SGCZ: variants seen among roughly 807,000 people sequenced by gnomAD.
The protein encoded by SGCZ is zeta-sarcoglycan.
In SGCZ, 40 loss-of-function variants were observed where a neutral mutation model predicts 41.3. The observed-to-expected ratio is 0.97, with a 90% CI of 0.75 to 1.26. The LOEUF is 1.26. Among genes scored for constraint, SGCZ ranks in the 50% most tolerant of loss-of-function variants. The pLI is 0.00. For synonymous variants in SGCZ, 206 were observed against 137.5 expected, an observed-to-expected ratio of 1.50 and a Z score of -3.49; for missense variants, 552 against 369.8, an observed-to-expected ratio of 1.49 and a Z score of -4.04.
At chr8:15,132,474 G>A (rs935803738) in intron 1 of SGCZ, among the ~76,000 whole-genome samples, 3 of 152,186 alleles carry the variant, frequency 2.0e-5, no homozygotes, top group African/African-American at 7.2e-5. Flanking sequence ...ATGAATAGAT[G>A]CATGCATGAA....
rs536535824 is a variant in SGCZ at position 15,203,588 on chromosome 8, T to C, written c.39+33997A>G. 8.5e-5 allele frequency among the ~76,000 whole-genome samples: 13 copies of C among 152,316 alleles called. No individual in the cohort carries two copies. In the South Asian group the frequency reaches 2.7e-3, roughly 32 times the overall value. ...GGTTTGATTTAGAAGACTAAAATGA[T>C]ACTTTTAAACAGACAAATGTGGCAT... is the stretch of plus-strand genomic sequence containing the variant. On this transcript the variant is annotated intron_variant, in intron 1 of 7. Transcript: ENST00000382080.
intron 5 of SGCZ, among the ~76,000 whole-genome samples, chr8:14,127,968 T>C (rs1376475121): frequency 6.6e-6 from 1 of 152,206 alleles, no homozygotes; most frequent in Non-Finnish European, 1.5e-5. Context: ...TTTCCTTCTT[T>C]GTATACATAA....
chr8:14,905,216 C>A (rs1412692813), intron 1 of SGCZ, among the ~76,000 whole-genome samples: 3 of 151,826 alleles, frequency 2.0e-5, no homozygotes, highest in East Asian at 1.9e-4. Context: ...CAAACACTTC[C>A]TTAATCATTT....
chr8:15,113,952 G>C (rs573899638), intron 1 of SGCZ, among the ~76,000 whole-genome samples: 1 of 152,190 alleles, frequency 6.6e-6, no homozygotes, highest in South Asian at 2.1e-4. Flanking sequence ...CATTTCTCTA[G>C]GCTGTGCCTC....
At chr8:14,164,883 A>G in intron 4 of SGCZ, 181 bp from the exon 5 acceptor site, 1 of 737,386 alleles carries the variant, frequency 1.4e-6, no homozygotes, top group African/African-American at 1.8e-5. Flanking sequence ...TTGGGAATGT[A>G]CTTCTGTGCT....
intron 1 of SGCZ, among the ~76,000 whole-genome samples, chr8:14,698,144 T>C (rs1272728434): frequency 6.6e-6 from 1 of 152,002 alleles, no homozygotes; most frequent in Non-Finnish European, 1.5e-5. Flanking sequence ...TCAAACAAAA[T>C]ATAGATGTGT....
At chr8:14,343,667 G>C (rs1802790576) in intron 2 of SGCZ, among the ~76,000 whole-genome samples, 1 of 152,138 alleles carries the variant, frequency 6.6e-6, no homozygotes, top group South Asian at 2.1e-4. Flanking sequence ...AGCCATAGAG[G>C]ATTGTATCTT....
At chr8:14,207,932 A>T (rs1313698889) in intron 4 of SGCZ, among the ~76,000 whole-genome samples, 1 of 152,164 alleles carries the variant, frequency 6.6e-6, no homozygotes, top group East Asian at 1.9e-4. Flanking sequence ...GCATGGTACT[A>T]CTTATCCTAG....
chr8:14,904,074 C>A lies in SGCZ; in HGVS notation c.39+333511G>T, dbSNP rs116169015. Reference sequence around the variant, plus strand: ...GGTATTAACTTGTTGATAAAGCTATCATAGTCTTCCTCATACTAGTCGTGC... The same window carrying A: ...GGTATTAACTTGTTGATAAAGCTATAATAGTCTTCCTCATACTAGTCGTGC... On this transcript the variant is annotated intron_variant, in intron 1 of 7. Transcript: ENST00000382080. 2.0e-3 allele frequency among the ~76,000 whole-genome samples: 297 copies of A among 152,128 alleles called. 1 individual carries two copies. The highest frequency in any genetic ancestry group is 6.8e-3 in the African/African-American group (283 of 41,554).
chr8:14,709,143 T>G (rs1809434178), intron 1 of SGCZ, among the ~76,000 whole-genome samples: 1 of 152,160 alleles, frequency 6.6e-6, no homozygotes, highest in Non-Finnish European at 1.5e-5. Context: ...GAAAAGTATT[T>G]TGTCATGATC....
intron 3 of SGCZ, among the ~76,000 whole-genome samples, chr8:14,259,975 C>T (rs528137822): frequency 2.0e-5 from 3 of 152,218 alleles, no homozygotes; most frequent in Admixed American, 1.3e-4. Flanking sequence ...TGTTTGTATC[C>T]TCTTTTATTT....
chr8:14,240,847 A>T (rs1050365431), intron 3 of SGCZ, among the ~76,000 whole-genome samples: 2 of 152,154 alleles, frequency 1.3e-5, no homozygotes, highest in Non-Finnish European at 2.9e-5. Context: ...GACTTTTTAC[A>T]CACTATCCAC....
intron 2 of SGCZ, among the ~76,000 whole-genome samples, chr8:14,443,707 C>A (rs2117377469): frequency 6.6e-6 from 1 of 152,226 alleles, no homozygotes; most frequent in East Asian, 1.9e-4. Flanking sequence ...CCATAAAAAT[C>A]CTAGAAGAAA....
At chr8:14,440,759 GTATATGTATATATGTATATA>G (rs1800233971) in intron 2 of SGCZ, among the ~76,000 whole-genome samples, 1 of 114,228 alleles carries the variant, frequency 8.8e-6, no homozygotes. Context: ...ACGTATACAC[GTATATGTATATATGTATATA>G]CATACGTATA....
At chr8:14,273,761 A>C (rs1800134649) in intron 3 of SGCZ, among the ~76,000 whole-genome samples, 1 of 152,172 alleles carries the variant, frequency 6.6e-6, no homozygotes. Flanking sequence ...TGCAGCCTAG[A>C]TACTAAGTGT....
chr8:14,889,881 T>G (rs1804945755), intron 1 of SGCZ, among the ~76,000 whole-genome samples: 2 of 152,052 alleles, frequency 1.3e-5, no homozygotes, highest in Admixed American at 6.6e-5. Context: ...AAAGGAAGTG[T>G]CACACATCTC....
chr8:15,141,972 A>C (rs547285727), intron 1 of SGCZ, among the ~76,000 whole-genome samples: 1 of 152,234 alleles, frequency 6.6e-6, no homozygotes, highest in East Asian at 1.9e-4. Context: ...AGCCTGTAGC[A>C]GTGGAAGACC....
chr8:14,835,533 C>G (rs1802667747), intron 1 of SGCZ, among the ~76,000 whole-genome samples: 1 of 152,168 alleles, frequency 6.6e-6, no homozygotes. Flanking sequence ...AGCATCTCTC[C>G]AACCTTGACA....
intron 1 of SGCZ, among the ~76,000 whole-genome samples, chr8:15,012,837 T>A (rs1204653071): frequency 1.3e-4 from 20 of 151,168 alleles, no homozygotes. Context: ...CTGCTCAACA[T>A]TTCTTTTTCA....
Sources: allele counts gnomAD v4.1 joint callset (sites outside exome capture counted in the v4.1 genomes callset), GRCh38; gene constraint gnomAD v4.1.1; transcripts MANE v1.5; gene names NCBI Gene and HGNC (gene_info 2026-07-23, HGNC 2026-07-21).